Variants in ROBO2 observed in about 807,000 individuals in gnomAD.
ROBO2 encodes the protein roundabout guidance receptor 2.
A neutral mutation model predicts 160.8 loss-of-function variants in ROBO2; 53 were observed. The observed-to-expected ratio is 0.33, with a 90% CI of 0.26 to 0.41. The LOEUF is 0.41. Ranked by LOEUF, ROBO2 falls within the 10% of genes least tolerant of loss-of-function variation. ROBO2 has a pLI of 1.00. For missense variants in ROBO2, 1,577 were observed against 1,722.4 expected, an observed-to-expected ratio of 0.92 and a Z score of 1.49; for synonymous variants, 664 against 611.7, an observed-to-expected ratio of 1.09 and a Z score of -1.26.
intron 2 of ROBO2, among the ~76,000 whole-genome samples, chr3:76,423,530 A>G (rs2108948000): frequency 6.6e-6 from 1 of 152,310 alleles, no homozygotes; most frequent in East Asian, 1.9e-4. Context: ...GAACAGATGT[A>G]AATGAACCTG....
At chr3:76,920,361 C>T (rs550549083) in intron 2 of ROBO2, among the ~76,000 whole-genome samples, 3 of 152,234 alleles carry the variant, frequency 2.0e-5, no homozygotes, top group East Asian at 3.9e-4. Context: ...TCATGTATGT[C>T]AAATTTCAAC....
At chr3:75,966,489 G>A (rs1949119145) in intron 2 of ROBO2, among the ~76,000 whole-genome samples, 1 of 151,640 alleles carries the variant, frequency 6.6e-6, no homozygotes, top group Admixed American at 6.6e-5. Flanking sequence ...ATAATTAGTT[G>A]GATATAGTGG....
At chr3:76,213,425 A>G (rs1413620158) in intron 2 of ROBO2, among the ~76,000 whole-genome samples, 2 of 152,182 alleles carry the variant, frequency 1.3e-5, no homozygotes, top group Non-Finnish European at 2.9e-5. Flanking sequence ...CGCCAATACT[A>G]GACTATACTC....
intron 19 of ROBO2, among the ~76,000 whole-genome samples, chr3:77,601,267 A>C (rs2094424382): frequency 6.6e-6 from 1 of 152,196 alleles, no homozygotes; most frequent in Non-Finnish European, 1.5e-5. Context: ...TTCAGAAGAT[A>C]GCTTATTTTA....
intron 2 of ROBO2, among the ~76,000 whole-genome samples, chr3:77,342,129 A>G (rs530678035): frequency 7.9e-5 from 12 of 152,288 alleles, no homozygotes; most frequent in African/African-American, 2.9e-4. Context: ...GTATGGTACA[A>G]TTATACAGTA....
At chr3:76,146,523 A>G (rs1368951352) in intron 2 of ROBO2, among the ~76,000 whole-genome samples, 1 of 151,812 alleles carries the variant, frequency 6.6e-6, no homozygotes, top group Non-Finnish European at 1.5e-5. Context: ...ACTAGATTAG[A>G]TCGGTCCTTT....
intron 2 of ROBO2, among the ~76,000 whole-genome samples, chr3:77,103,630 A>AT (rs1248725748): frequency 1.4e-4 from 21 of 152,162 alleles, no homozygotes; most frequent in Middle Eastern, 6.8e-3. Context: ...TTTTTCTCTT[A>AT]TTTTTTGTCT....
chr3:77,108,593 C>T (rs1035961864), intron 2 of ROBO2, among the ~76,000 whole-genome samples: 1 of 152,038 alleles, frequency 6.6e-6, no homozygotes. Flanking sequence ...GAGTCTGAGT[C>T]GCCTCAGGTG....
At chr3:77,476,823 C>T (rs759426673) in intron 2 of ROBO2, among the ~76,000 whole-genome samples, 16 of 152,076 alleles carry the variant, frequency 1.1e-4, no homozygotes, top group East Asian at 1.9e-4. Context: ...AGATGTCACT[C>T]GGCAGGTGGA....
chr3:77,257,841 T>C (rs1467303741), intron 2 of ROBO2, among the ~76,000 whole-genome samples: 2 of 152,210 alleles, frequency 1.3e-5, no homozygotes, highest in Non-Finnish European at 2.9e-5. Flanking sequence ...CAGCAATACA[T>C]ACTGAGAAAA....
chr3:76,676,575 G>C lies in ROBO2; in HGVS notation c.110-421439G>C, dbSNP rs58031947. 7.0e-3 allele frequency among the ~76,000 whole-genome samples: 1,066 copies of C among 152,000 alleles called. 9 individuals carry two copies. Among genetic ancestry groups the C allele is most frequent in the African/African-American group, 0.024 (1,001 of 41,442 alleles). On this transcript the variant is annotated intron_variant, in intron 2 of 26. Coordinates refer to the ROBO2 transcript ENST00000487694. ...TGTGTGTGTGTGATTTCTTTTTTGC[G>C]TGCACGTTTGTTTTTCTAAAATGAG...
At chr3:76,052,827 T>G (rs1463364198) in intron 2 of ROBO2, among the ~76,000 whole-genome samples, 1 of 152,024 alleles carries the variant, frequency 6.6e-6, no homozygotes, top group Non-Finnish European at 1.5e-5. Flanking sequence ...CATTCTGTAT[T>G]TAGGACAAGT....
At chr3:76,149,585 A>G (rs1457713711) in intron 2 of ROBO2, among the ~76,000 whole-genome samples, 1 of 123,774 alleles carries the variant, frequency 8.1e-6, no homozygotes, top group South Asian at 2.7e-4. Context: ...AGCACACATC[A>G]TCTGTCTAAA....
At chr3:76,727,786 A>G (rs1038414968) in intron 2 of ROBO2, among the ~76,000 whole-genome samples, 3 of 152,166 alleles carry the variant, frequency 2.0e-5, no homozygotes, top group Non-Finnish European at 4.4e-5. Context: ...AAAGTGGTTA[A>G]TGGGCACAAA....
chr3:76,194,861 G>A (rs1439946814), intron 2 of ROBO2, among the ~76,000 whole-genome samples: 6 of 152,086 alleles, frequency 3.9e-5, no homozygotes, highest in Admixed American at 1.3e-4. Context: ...CTCGTGATCC[G>A]CCCGCGTTGG....
intron 2 of ROBO2, among the ~76,000 whole-genome samples, chr3:76,919,426 T>A (rs1231384681): frequency 1.3e-5 from 2 of 152,252 alleles, no homozygotes; most frequent in East Asian, 3.9e-4. Context: ...TATTGGCAAA[T>A]TTTTCTAAAA....
intron 2 of ROBO2, among the ~76,000 whole-genome samples, chr3:76,166,639 T>C (rs192680801): frequency 1.0e-3 from 152 of 152,224 alleles, no homozygotes; most frequent in Non-Finnish European, 1.7e-3. Context: ...TAATTTCCAG[T>C]TAAATTTCAG....
chr3:77,268,550 C>A (rs2059282805), intron 2 of ROBO2, among the ~76,000 whole-genome samples: 1 of 152,134 alleles, frequency 6.6e-6, no homozygotes, highest in Non-Finnish European at 1.5e-5. Context: ...TATCTATTAA[C>A]TTCATTTTTT....
intron 2 of ROBO2, among the ~76,000 whole-genome samples, chr3:76,811,306 T>C (rs2065141865): frequency 6.6e-6 from 1 of 152,156 alleles, no homozygotes; most frequent in African/African-American, 2.4e-5. Context: ...AAACACAGAA[T>C]AGTCTCAGAT....
Sources: gnomAD v4.1 joint callset for allele counts (sites outside exome capture counted in the v4.1 genomes callset) on GRCh38, gnomAD v4.1.1 for gene constraint, MANE v1.5 for transcripts, NCBI Gene and HGNC (gene_info 2026-07-23, HGNC 2026-07-21) for gene names.